The following AGPAT5 variants were observed in gnomAD, a reference collection of about 807,000 sequenced individuals.
AGPAT5 encodes 1-acyl-sn-glycerol-3-phosphate acyltransferase epsilon.
A neutral mutation model predicts 45.6 loss-of-function variants in AGPAT5; 46 were observed. The observed-to-expected ratio is 1.01, with a 90% CI of 0.80 to 1.29. The LOEUF (loss-of-function observed/expected upper bound fraction) is 1.29. Among genes scored for constraint, AGPAT5 ranks in the 50% most tolerant of loss-of-function variants. AGPAT5 has a pLI of 0.00. For missense variants in AGPAT5, 673 were observed against 450.7 expected (o/e 1.49, Z -4.47); for synonymous variants, 272 against 167.0 (o/e 1.63, Z -4.85).
chr8:6,730,896 G>A lies in AGPAT5; in HGVS notation c.405+70G>A, dbSNP rs183445735. 112 of 935,218 alleles carry A rather than the reference G, an allele frequency of 1.2e-4. No individual in the cohort carries two copies. In the Middle Eastern group the frequency reaches 7.8e-3, roughly 65 times the overall value. 57.9% of individuals were successfully genotyped at this position (935,218 alleles called of 1,614,324 possible). On this transcript the variant is annotated intron_variant, in intron 3 of 7. Coordinates refer to ENST00000285518, the MANE Select transcript of AGPAT5 (RefSeq NM_018361.5). The stretch of plus-strand genomic sequence containing the variant: ...ATTTTTTTTTTTTTTTTTGGAGACA[G>A]TCTCACTTTATTGCTCAGGCTGAGT...
intron 5 of AGPAT5, among the ~76,000 whole-genome samples, chr8:6,742,704 A>C (rs1801279860): frequency 6.6e-6 from 1 of 152,234 alleles, no homozygotes; most frequent in African/African-American, 2.4e-5. Context: ...ATTAAAAATA[A>C]GGGGGAGTTT....
chr8:6,732,542 C>G lies in AGPAT5; in HGVS notation c.406-19C>G. On this transcript the variant is annotated intron_variant, in intron 3 of 7. Coordinates refer to ENST00000285518, the MANE Select transcript of AGPAT5 (RefSeq NM_018361.5). The stretch of plus-strand genomic sequence containing the variant: ...TATTTTAAAAGTAAATGCTCTTTCT[C>G]CCGATTTGATTGTGGCAGCATGGAG... The G allele has an allele frequency of 1.3e-6, 2 of 1,576,398 alleles. No homozygotes were observed. The highest frequency in any genetic ancestry group is 1.7e-6 in the Non-Finnish European group (2 of 1,167,308).
intron 4 of AGPAT5, among the ~76,000 whole-genome samples, chr8:6,739,321 A>T (rs548220994): frequency 1.3e-5 from 2 of 152,112 alleles, no homozygotes; most frequent in Non-Finnish European, 2.9e-5. Context: ...GACAATTTCT[A>T]CCCAAAGTTT....
chr8:6,749,090 A>T lies in AGPAT5; in HGVS notation c.745+1262A>T, dbSNP rs117390201. ...AGTACTGTGCACCGTTACATTATCT[A>T]ACACTGTCTGTGTGTCATCTTTGGA... On this transcript the variant is annotated intron_variant, in intron 6 of 7. Transcript: ENST00000285518. Among the ~76,000 whole-genome samples the T allele has an allele frequency of 2.7e-3, 413 of 152,364 alleles. 3 individuals carry two copies. Among genetic ancestry groups the T allele is most frequent in the Non-Finnish European group, 4.8e-3 (328 of 68,044 alleles).
At chr8:6,714,164 A>T (rs1423148444) in intron 1 of AGPAT5, among the ~76,000 whole-genome samples, 1 of 152,160 alleles carries the variant, frequency 6.6e-6, no homozygotes, top group South Asian at 2.1e-4. Flanking sequence ...AAGAATATGA[A>T]TCATACCTTG....
intron 7 of AGPAT5, among the ~76,000 whole-genome samples, chr8:6,755,409 C>G (rs1258490050): frequency 6.6e-6 from 1 of 152,200 alleles, no homozygotes; most frequent in South Asian, 2.1e-4. Flanking sequence ...TTGGACAATA[C>G]TACGTGATAA....
At position 6,730,837 on chromosome 8, in the gene AGPAT5, T is replaced by G; in HGVS notation, c.405+11T>G. On this transcript the variant is annotated intron_variant, in intron 3 of 7. Coordinates refer to ENST00000285518, the MANE Select transcript of AGPAT5 (RefSeq NM_018361.5). ...TGTTACTTTGCTCAGGTAACTTGTT[T>G]CCATGCTTTTCTCTCTATATATGTA... 1 of 1,579,962 alleles carries G rather than the reference T, an allele frequency of 6.3e-7. No individual in the cohort carries two copies. The highest frequency in any genetic ancestry group is 2.2e-5 in the East Asian group (1 of 44,616).
chr8:6,727,351 C>T (rs751164447), intron 2 of AGPAT5, among the ~76,000 whole-genome samples: 1 of 151,976 alleles, frequency 6.6e-6, no homozygotes, highest in Non-Finnish European at 1.5e-5. Flanking sequence ...ATTTCTTCCC[C>T]TTATCCTTCA....
intron 4 of AGPAT5, among the ~76,000 whole-genome samples, chr8:6,737,147 G>A (rs147053732): frequency 4.6e-5 from 7 of 152,338 alleles, no homozygotes; most frequent in African/African-American, 1.4e-4. Context: ...CTAGCGCAGT[G>A]TGGATAACAG....
At chr8:6,718,793 A>G (rs1169663392) in intron 1 of AGPAT5, among the ~76,000 whole-genome samples, 2 of 152,222 alleles carry the variant, frequency 1.3e-5, no homozygotes. Context: ...CTCTCAGGTT[A>G]TTCTTTCATT....
At position 6,708,839 on chromosome 8, in the gene AGPAT5, C is replaced by G. The variant is rs138274785; in HGVS notation, c.171C>G (p.Val57=). Residue 57 remains valine, a synonymous_variant, in exon 1 of 8, where the codon GTC becomes GTG. Coordinates refer to ENST00000285518, the MANE Select transcript of AGPAT5 (RefSeq NM_018361.5). The stretch of plus-strand genomic sequence containing the variant: ...CGCTGGACGACCGGCTCTACTGCGT[C>G]TACCAGAGCATGGTGCTCTTCTTCT... ...YQALDDRLYC[V]YQSMVLFFFE... The G allele has an allele frequency of 1.2e-6, 2 of 1,611,678 alleles. No individual in the cohort carries two copies. Among genetic ancestry groups the G allele is most frequent in the Non-Finnish European group, 1.7e-6 (2 of 1,179,650 alleles).
At chr8:6,733,816 TTC>T in intron 4 of AGPAT5, among the ~76,000 whole-genome samples, 1 of 152,238 alleles carries the variant, frequency 6.6e-6, no homozygotes, top group Non-Finnish European at 1.5e-5. Context: ...GTGGAGTTCC[TTC>T]TGTGTCCTGC....
chr8:6,719,080 C>T (rs559673402), intron 1 of AGPAT5, among the ~76,000 whole-genome samples: 158 of 152,260 alleles, frequency 1.0e-3, no homozygotes, highest in Non-Finnish European at 1.7e-3. Flanking sequence ...GTTTTTTATT[C>T]AGCTTTGAAA....
intron 1 of AGPAT5, among the ~76,000 whole-genome samples, chr8:6,722,759 C>T (rs1800548389): frequency 6.6e-6 from 1 of 152,034 alleles, no homozygotes; most frequent in South Asian, 2.1e-4. Flanking sequence ...CTAGTTTGTC[C>T]TTTGTGATGA....
At chr8:6,715,448 G>T (rs541174967) in intron 1 of AGPAT5, among the ~76,000 whole-genome samples, 10 of 152,274 alleles carry the variant, frequency 6.6e-5, no homozygotes, top group African/African-American at 2.4e-4. Flanking sequence ...AAGAGGGTGG[G>T]TTAGTAACAC....
chr8:6,737,784 T>G (rs936221275), intron 4 of AGPAT5, among the ~76,000 whole-genome samples: 2 of 152,254 alleles, frequency 1.3e-5, no homozygotes, highest in African/African-American at 4.8e-5. Flanking sequence ...TCAGGTAGAT[T>G]TTCTGGATAA....
chr8:6,710,356 C>T (rs952542244), intron 1 of AGPAT5, among the ~76,000 whole-genome samples: 5 of 152,174 alleles, frequency 3.3e-5, no homozygotes, highest in Non-Finnish European at 7.3e-5. Context: ...TTAATCTAAT[C>T]ATTCCCCCCA....
chr8:6,713,048 G>A (rs944404359), intron 1 of AGPAT5, among the ~76,000 whole-genome samples: 9 of 152,180 alleles, frequency 5.9e-5, no homozygotes, highest in Admixed American at 3.3e-4. Context: ...GCTCTGGTGC[G>A]GTGGCACCAT....
rs1369276020 is a variant in AGPAT5, at chr8:6,722,507, T to A, written c.220-2363T>A. ...TAACAAAGAATGCTGTATATTTATG[T>A]CTCTGTGACATTGTGTTATGGAGGC... is the stretch of plus-strand genomic sequence containing the variant. On this transcript the variant is annotated intron_variant, in intron 1 of 7. Coordinates refer to ENST00000285518, the MANE Select transcript of AGPAT5 (RefSeq NM_018361.5). 1.3e-5 allele frequency among the ~76,000 whole-genome samples: 2 copies of A among 152,246 alleles called. 1 individual carries two copies. Among genetic ancestry groups the A allele is most frequent in the Admixed American group, 1.3e-4 (2 of 15,268 alleles).
Sources: gnomAD v4.1 joint callset for allele counts (sites outside exome capture counted in the v4.1 genomes callset) on GRCh38, gnomAD v4.1.1 for gene constraint, MANE v1.5 for transcripts, NCBI Gene and HGNC (gene_info 2026-07-23, HGNC 2026-07-21) for gene names.